Variants in PCTP observed in about 807,000 individuals in gnomAD.
The protein encoded by PCTP is START domain-containing protein 2.
In PCTP, 27 loss-of-function variants were observed where a neutral mutation model predicts 31.0. The ratio of observed to expected loss-of-function variants is 0.87; its 90% confidence interval spans 0.64 to 1.20. PCTP has a LOEUF of 1.20. Among genes scored for constraint, PCTP ranks in the 50% most tolerant of loss-of-function variants. The probability of loss-of-function intolerance (pLI) is 0.00; values close to 1 mark genes in which losing one functional copy is unlikely to be tolerated. For missense variants in PCTP, 287 were observed against 268.2 expected (o/e 1.07, Z -0.49); for synonymous variants, 108 against 101.2 (o/e 1.07, Z -0.40).
At chr17:55,847,784 G>C (rs1311496997), downstream of PCTP, among the ~76,000 whole-genome samples, 1 of 152,132 alleles carries the variant, frequency 6.6e-6, no homozygotes, top group Non-Finnish European at 1.5e-5. Flanking sequence ...CAGCCTTTTT[G>C]TTCTGTTCAG....
downstream of PCTP, among the ~76,000 whole-genome samples, chr17:55,827,398 C>T (rs141436455): frequency 4.9e-4 from 75 of 152,364 alleles, no homozygotes; most frequent in Middle Eastern, 3.4e-3. Flanking sequence ...CAGCTGACCA[C>T]TGAAGCATAA....
chr17:55,842,613 C>G (rs1397859165), intron 5 of PCTP: 1 of 152,192 alleles, frequency 6.6e-6, no homozygotes, highest in African/African-American at 2.4e-5. Context: ...AATTTATGGT[C>G]AGCCAGTCAG....
chr17:55,784,367 T>C (rs1911673719), intron 2 of PCTP, among the ~76,000 whole-genome samples: 1 of 152,156 alleles, frequency 6.6e-6, no homozygotes, highest in Non-Finnish European at 1.5e-5. Flanking sequence ...GTCCACCATA[T>C]TTCTTCCCAT....
intron 1 of PCTP, 144 bp downstream of exon 1, chr17:55,751,388 C>G: frequency 6.5e-7 from 1 of 1,533,670 alleles, no homozygotes; most frequent in Non-Finnish European, 8.7e-7. Context: ...GACCCTGTCT[C>G]AAGCTCTGGA....
At chr17:55,824,671 G>T (rs1167629057), downstream of PCTP, among the ~76,000 whole-genome samples, 1 of 152,154 alleles carries the variant, frequency 6.6e-6, no homozygotes, top group Non-Finnish European at 1.5e-5. Flanking sequence ...GTGGACCTGG[G>T]TTTCATATTT....
chr17:55,826,479 AAAG>A (rs1281428399), downstream of PCTP, among the ~76,000 whole-genome samples: 2 of 151,994 alleles, frequency 1.3e-5, no homozygotes, highest in East Asian at 1.9e-4. Flanking sequence ...AAAAAAAAAA[AAAG>A]AAGGTGATCT....
chr17:55,794,442 G>A (rs1355229575), intron 3 of PCTP, among the ~76,000 whole-genome samples: 1 of 151,290 alleles, frequency 6.6e-6, no homozygotes, highest in Non-Finnish European at 1.5e-5. Flanking sequence ...CTTGTTATGG[G>A]CATTTGGGTG....
chr17:55,759,361 ATTAG>A (rs1304417606), intron 1 of PCTP, among the ~76,000 whole-genome samples: 1 of 152,218 alleles, frequency 6.6e-6, no homozygotes, highest in Non-Finnish European at 1.5e-5. Flanking sequence ...ACCCTGAAGG[ATTAG>A]ACCTATCACA....
chr17:55,785,997 T>C (rs1471752327), intron 2 of PCTP, among the ~76,000 whole-genome samples: 1 of 152,196 alleles, frequency 6.6e-6, no homozygotes, highest in Non-Finnish European at 1.5e-5. Context: ...AAATGCCATA[T>C]GTGGGCTGGG....
rs1358358627 is a variant in PCTP, at chr17:55,777,342, G to C, written c.*1242G>C. The C allele has an allele frequency of 1.0e-6, 1 of 984,670 alleles. No homozygotes were observed. Among genetic ancestry groups the C allele is most frequent in the Non-Finnish European group, 1.2e-6 (1 of 829,048 alleles). 61.0% of individuals were successfully genotyped at this position (984,670 alleles called of 1,614,324 possible). ...GTTTTCTTTCTGGGAAGAAAAGTGTGTTCTATAATGAATAAATATAGAGTG... is the reference window on the plus strand; with the variant it reads ...GTTTTCTTTCTGGGAAGAAAAGTGTCTTCTATAATGAATAAATATAGAGTG... On this transcript the variant is annotated 3_prime_UTR_variant, in exon 6 of 6. Coordinates refer to ENST00000268896, the MANE Select transcript of PCTP (RefSeq NM_021213.4).
intron 3 of PCTP, among the ~76,000 whole-genome samples, chr17:55,804,936 G>GT (rs929314644): frequency 3.3e-5 from 5 of 151,870 alleles, no homozygotes; most frequent in East Asian, 1.9e-4. Flanking sequence ...ATTAATATGG[G>GT]TTTTTTTAAA....
At chr17:55,822,193 C>T (rs757977912) in intron 3 of PCTP, among the ~76,000 whole-genome samples, 1 of 152,142 alleles carries the variant, frequency 6.6e-6, no homozygotes, top group Non-Finnish European at 1.5e-5. Flanking sequence ...AAATAGTTCT[C>T]ACCAAGGAAC....
At chr17:55,807,507 C>T (rs1013481463) in intron 3 of PCTP, among the ~76,000 whole-genome samples, 1 of 152,126 alleles carries the variant, frequency 6.6e-6, no homozygotes, top group Non-Finnish European at 1.5e-5. Context: ...TTATTTTTCT[C>T]CCTATTCATA....
chr17:55,798,659 A>G (rs1912265567), intron 3 of PCTP, among the ~76,000 whole-genome samples: 1 of 152,006 alleles, frequency 6.6e-6, no homozygotes, highest in South Asian at 2.1e-4. Flanking sequence ...TATTGGCATA[A>G]TAAAGACATA....
intron 2 of PCTP, chr17:55,770,204 T>C (rs959397070): frequency 1.3e-5 from 2 of 152,182 alleles, no homozygotes; most frequent in African/African-American, 2.4e-5. Context: ...GGAAGGATTA[T>C]TAGGGAAATT....
intron 1 of PCTP, among the ~76,000 whole-genome samples, chr17:55,754,594 T>C (rs1003135822): frequency 1.3e-5 from 2 of 152,188 alleles, no homozygotes; most frequent in African/African-American, 4.8e-5. Flanking sequence ...GAAATATGAC[T>C]GGACAGAAAG....
At chr17:55,775,978 A>C in intron 5 of PCTP, 57 bp from the exon 6 acceptor site, 1 of 1,594,356 alleles carries the variant, frequency 6.3e-7, no homozygotes, top group South Asian at 1.1e-5. Context: ...CACATCCCAA[A>C]GAATCAAGAG....
In PCTP at chr17:55,776,990, C is replaced by T; in HGVS notation, c.*890C>T. ...TTTCTATGCAATAAGATGAATTTTC[C>T]TCCCAGAATATTTAGAAATGTAGAA... is the stretch of plus-strand genomic sequence containing the variant. On this transcript the variant is annotated 3_prime_UTR_variant, in exon 6 of 6. Coordinates refer to ENST00000268896, the MANE Select transcript of PCTP (RefSeq NM_021213.4). 5.1e-6 allele frequency: 5 copies of T among 985,648 alleles called. No individual in the cohort carries two copies. Among genetic ancestry groups the T allele is most frequent in the South Asian group, 4.7e-5 (1 of 21,280 alleles). The allele number at this position is 985,648 out of a possible 1,614,324, so 61.1% of individuals were successfully genotyped here.
chr17:55,803,068 GACAA>G (rs1442000979), intron 3 of PCTP, among the ~76,000 whole-genome samples: 2 of 152,114 alleles, frequency 1.3e-5, no homozygotes, highest in Non-Finnish European at 2.9e-5. Flanking sequence ...AACAATAATA[GACAA>G]ACAGAGAGCC....
Sources: allele counts gnomAD v4.1 joint callset (sites outside exome capture counted in the v4.1 genomes callset), GRCh38; gene constraint gnomAD v4.1.1; transcripts MANE v1.5; gene names NCBI Gene and HGNC (gene_info 2026-07-23, HGNC 2026-07-21).